The following PRKN variants were observed in gnomAD, a reference collection of about 807,000 sequenced individuals.
PRKN encodes the protein E3 ubiquitin-protein ligase parkin.
PRKN carries 56 observed loss-of-function variants against 59.5 expected under a neutral mutation model. That is an observed-to-expected ratio of 0.94 (90% CI 0.76 to 1.18). The LOEUF (loss-of-function observed/expected upper bound fraction) is 1.18. Among genes scored for constraint, PRKN ranks in the 50% most tolerant of loss-of-function variants. PRKN has a pLI of 0.00. For synonymous variants in PRKN, 250 were observed against 222.1 expected (o/e 1.13, Z -1.12); for missense variants, 657 against 596.4 (o/e 1.10, Z -1.06).
intron 1 of PRKN, among the ~76,000 whole-genome samples, chr6:162,502,355 C>T (rs1793413969): frequency 6.6e-6 from 1 of 152,058 alleles, no homozygotes; most frequent in African/African-American, 2.4e-5. Context: ...AAGATGAGGT[C>T]TCACTATCTT....
At chr6:162,725,934 T>G (rs1396959953) in intron 1 of PRKN, among the ~76,000 whole-genome samples, 1 of 152,194 alleles carries the variant, frequency 6.6e-6, no homozygotes, top group Non-Finnish European at 1.5e-5. Context: ...TTATTTGCAC[T>G]ATGTAAAACC....
intron 6 of PRKN, among the ~76,000 whole-genome samples, chr6:161,809,012 T>G (rs1791452602): frequency 6.6e-6 from 1 of 152,096 alleles, no homozygotes; most frequent in South Asian, 2.1e-4. Context: ...GGGTAATTTT[T>G]GTATATTTTG....
At chr6:162,548,818 A>T (rs960373534) in intron 1 of PRKN, among the ~76,000 whole-genome samples, 3 of 152,156 alleles carry the variant, frequency 2.0e-5, no homozygotes, top group African/African-American at 7.2e-5. Flanking sequence ...CTCAAGTTAA[A>T]TAACTTGACA....
intron 3 of PRKN, among the ~76,000 whole-genome samples, chr6:162,205,597 G>C (rs1342158105): frequency 6.6e-6 from 1 of 152,110 alleles, no homozygotes; most frequent in Non-Finnish European, 1.5e-5. Context: ...TTGTAACAGA[G>C]CAAAACAGCA....
chr6:162,385,309 A>G (rs1403167236), intron 2 of PRKN, among the ~76,000 whole-genome samples: 1 of 152,182 alleles, frequency 6.6e-6, no homozygotes, highest in Non-Finnish European at 1.5e-5. Flanking sequence ...CATGGTATAA[A>G]GCAAAAAGAG....
At chr6:162,360,314 C>G (rs1468521814) in intron 2 of PRKN, among the ~76,000 whole-genome samples, 1 of 152,092 alleles carries the variant, frequency 6.6e-6, no homozygotes, top group Non-Finnish European at 1.5e-5. Flanking sequence ...TTCAACAATT[C>G]CTAATTTTTC....
chr6:162,642,293 T>G (rs1443049184), intron 1 of PRKN, among the ~76,000 whole-genome samples: 1 of 152,148 alleles, frequency 6.6e-6, no homozygotes, highest in African/African-American at 2.4e-5. Context: ...ATGAACACGT[T>G]TAATGATATG....
intron 7 of PRKN, among the ~76,000 whole-genome samples, chr6:161,650,904 A>G (rs1346041288): frequency 6.6e-6 from 1 of 152,120 alleles, no homozygotes; most frequent in Non-Finnish European, 1.5e-5. Context: ...AATAATGGTT[A>G]TTTGTCATTT....
intron 6 of PRKN, among the ~76,000 whole-genome samples, chr6:161,795,289 G>C (rs1332252650): frequency 6.9e-6 from 1 of 144,676 alleles, no homozygotes; most frequent in African/African-American, 2.6e-5. Flanking sequence ...CTGGAGTGCA[G>C]TGGCGCAATC....
chr6:162,413,869 G>A (rs1243514695), intron 2 of PRKN, among the ~76,000 whole-genome samples: 2 of 152,138 alleles, frequency 1.3e-5, no homozygotes, highest in African/African-American at 4.8e-5. Flanking sequence ...TGGGCCCTAA[G>A]GGCAATGTCA....
At chr6:161,752,224 G>T (rs1027770445) in intron 7 of PRKN, among the ~76,000 whole-genome samples, 1 of 152,002 alleles carries the variant, frequency 6.6e-6, no homozygotes, top group Non-Finnish European at 1.5e-5. Flanking sequence ...ACAAAAACTA[G>T]CTGGGTGTGA....
intron 9 of PRKN, among the ~76,000 whole-genome samples, chr6:161,500,631 C>T (rs1365627014): frequency 6.6e-6 from 1 of 152,128 alleles, no homozygotes; most frequent in East Asian, 1.9e-4. Flanking sequence ...CATGGCTTGA[C>T]AGTACGTTTC....
At chr6:162,304,673 T>G (rs969725176) in intron 2 of PRKN, among the ~76,000 whole-genome samples, 1 of 150,914 alleles carries the variant, frequency 6.6e-6, no homozygotes, top group Non-Finnish European at 1.5e-5. Flanking sequence ...CTCCACTGGC[T>G]TTTCACACAA....
At chr6:162,493,824 A>G (rs959310872) in intron 1 of PRKN, among the ~76,000 whole-genome samples, 2 of 152,186 alleles carry the variant, frequency 1.3e-5, no homozygotes, top group African/African-American at 4.8e-5. Context: ...AAGATGGAGA[A>G]GAAGGGGCTT....
chr6:162,605,014 G>A (rs988659199), intron 1 of PRKN, among the ~76,000 whole-genome samples: 1 of 151,960 alleles, frequency 6.6e-6, no homozygotes, highest in Non-Finnish European at 1.5e-5. Context: ...GCAAAATGAG[G>A]ATTCATACTC....
intron 6 of PRKN, among the ~76,000 whole-genome samples, chr6:161,877,253 C>G (rs1180797673): frequency 6.6e-6 from 1 of 152,074 alleles, no homozygotes; most frequent in Non-Finnish European, 1.5e-5. Flanking sequence ...ACGGCGGCCC[C>G]ATTCCTCCTG....
intron 5 of PRKN, among the ~76,000 whole-genome samples, chr6:162,001,438 C>T (rs1052347509): frequency 2.6e-5 from 4 of 151,832 alleles, no homozygotes; most frequent in Admixed American, 6.6e-5. Context: ...GTTCTTAATC[C>T]GAAATTCCAC....
chr6:162,153,724 C>T (rs1465365313), intron 4 of PRKN, among the ~76,000 whole-genome samples: 1 of 152,058 alleles, frequency 6.6e-6, no homozygotes, highest in Non-Finnish European at 1.5e-5. Flanking sequence ...CACTGTCCCC[C>T]GAAGTCAGGT....
chr6:162,724,515 T>C (rs1258907489), intron 1 of PRKN, among the ~76,000 whole-genome samples: 1 of 152,226 alleles, frequency 6.6e-6, no homozygotes, highest in Non-Finnish European at 1.5e-5. Context: ...CGTTTCTCCT[T>C]AAACTAAGCC....
Sources: gnomAD v4.1 joint callset for allele counts (sites outside exome capture counted in the v4.1 genomes callset) on GRCh38, gnomAD v4.1.1 for gene constraint, MANE v1.5 for transcripts, NCBI Gene and HGNC (gene_info 2026-07-23, HGNC 2026-07-21) for gene names.